GRM7: variants seen among roughly 807,000 people sequenced by gnomAD.
GRM7 encodes the protein glutamate metabotropic receptor 7, also known as metabotropic glutamate receptor 7.
Under a neutral mutation model 84.5 loss-of-function variants are expected in GRM7, and 35 were observed. The ratio of observed to expected loss-of-function variants is 0.41; its 90% CI spans 0.32 to 0.55. The LOEUF (loss-of-function observed/expected upper bound fraction) is 0.55, where lower values mean the gene tolerates loss of function less well. Among genes scored for constraint, GRM7 ranks in the 20% least tolerant of loss-of-function variants. The pLI, the probability that GRM7 is intolerant of heterozygous loss-of-function variation, is 0.19. For missense variants in GRM7, 1,003 were observed against 1,194.6 expected (o/e 0.84, Z 2.36); for synonymous variants, 487 against 455.1 (o/e 1.07, Z -0.89).
At chr3:7,247,100 T>C (rs1697791731) in intron 2 of GRM7, among the ~76,000 whole-genome samples, 1 of 152,154 alleles carries the variant, frequency 6.6e-6, no homozygotes, top group Admixed American at 6.6e-5. Flanking sequence ...ATGGTGTATC[T>C]ACATATTTAA....
chr3:6,965,601 T>C (rs112169479), intron 1 of GRM7, among the ~76,000 whole-genome samples: 9,104 of 152,096 alleles, frequency 0.06, 531 homozygotes, highest in African/African-American at 0.14. Flanking sequence ...TCCCAAAGTG[T>C]TGGGATTACA....
At chr3:7,230,349 G>A (rs1348479940) in intron 2 of GRM7, among the ~76,000 whole-genome samples, 4 of 152,134 alleles carry the variant, frequency 2.6e-5, no homozygotes, top group Non-Finnish European at 5.9e-5. Context: ...TGAATATCAA[G>A]AGCAAGCAAG....
chr3:6,956,532 G>C, intron 1 of GRM7: 1 of 454,988 alleles, frequency 2.2e-6, no homozygotes, highest in Non-Finnish European at 4.4e-6. Context: ...GATTTCTGTG[G>C]CATATTTTCC....
Position 6,863,169 on chromosome 3 carries a change from C to T in GRM7, c.519+1262C>T, listed in dbSNP as rs1234799391. On this transcript the variant is annotated intron_variant, in intron 1 of 9. Transcript: ENST00000357716. This position sits in a 1 kb window ranked among gnomAD's most constrained non-coding sequence, Gnocchi z 4.8. ...TTTTTCTCTCCTTTTCAATCTCTCCCTCCTTTCCTCCTCTGTCTTCACTCC... is the reference window on the plus strand; with the variant it reads ...TTTTTCTCTCCTTTTCAATCTCTCCTTCCTTTCCTCCTCTGTCTTCACTCC... Among the ~76,000 whole-genome samples, 1 of 151,852 alleles carries T rather than the reference C, an allele frequency of 6.6e-6. No individual in the cohort carries two copies. The highest frequency in any genetic ancestry group is 2.4e-5 in the African/African-American group (1 of 41,314).
chr3:7,379,171 CA>C (rs1222744587), intron 4 of GRM7, among the ~76,000 whole-genome samples: 4 of 152,140 alleles, frequency 2.6e-5, no homozygotes, highest in Non-Finnish European at 5.9e-5. Context: ...CTCTCAGGTT[CA>C]AGCAATTCTC....
At chr3:7,042,626 A>C (rs929295177) in intron 1 of GRM7, among the ~76,000 whole-genome samples, 46 of 151,704 alleles carry the variant, frequency 3.0e-4, no homozygotes, top group African/African-American at 9.9e-4. Flanking sequence ...TTTTATCTGG[A>C]GTATTTTTTT....
intron 2 of GRM7, among the ~76,000 whole-genome samples, chr3:7,282,782 A>G (rs757528359): frequency 6.6e-6 from 1 of 152,202 alleles, no homozygotes; most frequent in Non-Finnish European, 1.5e-5. Flanking sequence ...AAACATCTGC[A>G]GTGATATATA....
intron 7 of GRM7, among the ~76,000 whole-genome samples, chr3:7,573,417 G>A (rs1220993569): frequency 6.6e-6 from 1 of 152,118 alleles, no homozygotes. Flanking sequence ...AAATATCCCT[G>A]AAGTGATAAA....
intron 6 of GRM7, among the ~76,000 whole-genome samples, chr3:7,453,815 A>G (rs1388764104): frequency 6.6e-6 from 1 of 152,158 alleles, no homozygotes; most frequent in African/African-American, 2.4e-5. Context: ...CTAAGCGGGA[A>G]TACCTGGTGA....
At chr3:7,206,090 C>T (rs9840189) in intron 2 of GRM7, among the ~76,000 whole-genome samples, 5 of 151,802 alleles carry the variant, frequency 3.3e-5, no homozygotes, top group African/African-American at 1.2e-4. Flanking sequence ...TTGTGGTAAG[C>T]GGGGATGAAA....
chr3:7,514,409 C>T (rs1700307747), intron 7 of GRM7, among the ~76,000 whole-genome samples: 1 of 152,206 alleles, frequency 6.6e-6, no homozygotes, highest in Non-Finnish European at 1.5e-5. Flanking sequence ...ATACCTATAT[C>T]TTCAGTAAGC....
In GRM7 at chr3:7,454,088, A is replaced by ACTCTCTCTCTCTCT. The variant is rs1284686500; in HGVS notation, c.1375+1282_1375+1283insTCTCTCTCTCTCTC. 1.3e-4 allele frequency among the ~76,000 whole-genome samples: 15 copies of ACTCTCTCTCTCTCT among 111,752 alleles called. No individual in the cohort carries two copies. In the East Asian group the frequency reaches 2.2e-3, roughly 16 times the overall value. The allele number at this position is 111,752 out of a possible 152,430, so 73.3% of individuals were successfully genotyped here. A position where few individuals can be genotyped will look rare whatever the true frequency, so the allele number is the denominator to read the frequency against. ...GAACCATACATGAAAAGCTACACAC[A>ACTCTCTCTCTCTCT]CACTCTCTCTCTCTCTCTCTCTCTC... is the stretch of plus-strand genomic sequence containing the variant. On this transcript the variant is annotated intron_variant, in intron 6 of 9. Transcript: ENST00000357716.
chr3:6,941,174 T>C (rs17046437), intron 1 of GRM7, among the ~76,000 whole-genome samples: 15,994 of 152,196 alleles, frequency 0.11, 890 homozygotes, highest in African/African-American at 0.13. Context: ...GTCATTATCT[T>C]ATGTGCCACT....
chr3:6,965,197 A>C (rs1352088054), intron 1 of GRM7, among the ~76,000 whole-genome samples: 1 of 152,244 alleles, frequency 6.6e-6, no homozygotes, highest in Non-Finnish European at 1.5e-5. Context: ...AAACTAATGC[A>C]GCTGAAGCAC....
chr3:7,325,944 C>T (rs1320040727), intron 4 of GRM7, among the ~76,000 whole-genome samples: 1 of 152,014 alleles, frequency 6.6e-6, no homozygotes, highest in Non-Finnish European at 1.5e-5. Flanking sequence ...AAAGCCAGAC[C>T]TGAATGTGTG....
intron 2 of GRM7, among the ~76,000 whole-genome samples, chr3:7,214,755 G>T (rs934383797): frequency 2.6e-5 from 4 of 152,144 alleles, no homozygotes; most frequent in Admixed American, 6.6e-5. Context: ...CAGAGAAAAA[G>T]AATACAATTG....
intron 1 of GRM7, among the ~76,000 whole-genome samples, chr3:7,101,709 A>T (rs1356321867): frequency 6.7e-6 from 1 of 149,912 alleles, no homozygotes; most frequent in Non-Finnish European, 1.5e-5. Context: ...AATTGTTTTC[A>T]TAGTTTTTGC....
chr3:7,426,132 T>C (rs1190547019), intron 5 of GRM7, among the ~76,000 whole-genome samples: 1 of 144,814 alleles, frequency 6.9e-6, no homozygotes, highest in Non-Finnish European at 1.5e-5. Flanking sequence ...TTTTCTTTTT[T>C]TTTTGAGATG....
intron 1 of GRM7, among the ~76,000 whole-genome samples, chr3:6,949,567 G>A (rs190724987): frequency 1.3e-3 from 191 of 151,640 alleles, no homozygotes; most frequent in Admixed American, 2.2e-3. Context: ...TATCTTTGTG[G>A]CATTCTCTGT....
Sources: gnomAD v4.1 joint callset for allele counts (sites outside exome capture counted in the v4.1 genomes callset) on GRCh38, gnomAD v4.1.1 for gene constraint, Gnocchi (gnomAD v3.1) non-coding constraint, MANE v1.5 for transcripts, NCBI Gene and HGNC (gene_info 2026-07-23, HGNC 2026-07-21) for gene names.